The following PPP1CC variants were observed in gnomAD, a reference collection of about 807,000 sequenced individuals.
The protein encoded by PPP1CC is protein phosphatase 1 catalytic subunit gamma.
In PPP1CC, 16 loss-of-function variants were observed where a neutral mutation model predicts 38.4. That is an observed-to-expected ratio of 0.42 (90% CI 0.28 to 0.63). The LOEUF (loss-of-function observed/expected upper bound fraction) is 0.63. Among genes scored for constraint, PPP1CC ranks in the 30% least tolerant of loss-of-function variants. The pLI, the probability that PPP1CC is intolerant of heterozygous loss-of-function variation, is 0.25. For missense variants in PPP1CC, 170 were observed against 391.3 expected, an observed-to-expected ratio of 0.43 and a Z score of 4.77; for synonymous variants, 158 against 136.0, an observed-to-expected ratio of 1.16 and a Z score of -1.13.
chr12:110,737,979 ACT>A (rs1339080833), intron 1 of PPP1CC, among the ~76,000 whole-genome samples: 2 of 152,252 alleles, frequency 1.3e-5, no homozygotes, highest in Admixed American at 1.3e-4. Context: ...GCTGCAAAAC[ACT>A]GTCTACTGTT....
At chr12:110,723,962 G>A (rs2069767146) in intron 4 of PPP1CC, among the ~76,000 whole-genome samples, 1 of 152,238 alleles carries the variant, frequency 6.6e-6, no homozygotes, top group African/African-American at 2.4e-5. Context: ...TCTTCTGCCG[G>A]GCGTGGTGGC....
intron 4 of PPP1CC, among the ~76,000 whole-genome samples, chr12:110,723,581 C>A (rs191471567): frequency 1.3e-5 from 2 of 152,284 alleles, no homozygotes; most frequent in African/African-American, 4.8e-5. Context: ...GCGATCATAG[C>A]TCACTGCAGC....
At chr12:110,711,570 TA>T in the PPP1CC span, among the ~76,000 whole-genome samples, 8 of 152,144 alleles carry the variant, frequency 5.3e-5, no homozygotes, top group Admixed American at 2.0e-4. Flanking sequence ...TTCTACTTCT[TA>T]ACCCAGGCGA....
At chr12:110,737,497 A>AAAAAAAAAG (rs2069959460) in intron 1 of PPP1CC, among the ~76,000 whole-genome samples, 3 of 147,528 alleles carry the variant, frequency 2.0e-5, no homozygotes, top group African/African-American at 7.8e-5. Context: ...AAAAAAAAAA[A>AAAAAAAAAG]AAAAGAAAAG....
chr12:110,729,925 ATTAAG>A (rs1456911806), intron 3 of PPP1CC, among the ~76,000 whole-genome samples: 1 of 152,270 alleles, frequency 6.6e-6, no homozygotes, highest in Non-Finnish European at 1.5e-5. Context: ...TCTACTAAGA[ATTAAG>A]TTATCTGTGA....
the PPP1CC span, among the ~76,000 whole-genome samples, chr12:110,713,577 G>C: frequency 6.6e-6 from 1 of 152,120 alleles, no homozygotes; most frequent in Non-Finnish European, 1.5e-5. Flanking sequence ...ACACAGGCCT[G>C]TATGTAGCAG....
chr12:110,710,209 G>A, the PPP1CC span, among the ~76,000 whole-genome samples: 4,357 of 152,000 alleles, frequency 0.029, 212 homozygotes, highest in African/African-American at 0.098. Flanking sequence ...ATTTCCCAAA[G>A]AGAATAGGAA....
chr12:110,714,095 A>G, the PPP1CC span, among the ~76,000 whole-genome samples: 1 of 151,976 alleles, frequency 6.6e-6, no homozygotes, highest in Non-Finnish European at 1.5e-5. Flanking sequence ...CAAGACTACA[A>G]CTCAAAAACA....
intron 1 of PPP1CC, among the ~76,000 whole-genome samples, chr12:110,740,192 TA>T (rs1174180622): frequency 2.6e-5 from 4 of 152,024 alleles, no homozygotes; most frequent in Non-Finnish European, 2.9e-5. Flanking sequence ...TCTAAACACG[TA>T]AAAAAATCTG....
chr12:110,730,757 C>A lies in PPP1CC; in HGVS notation c.190G>T (p.Asp64Tyr). The A allele has an allele frequency of 1.3e-6, 2 of 1,593,742 alleles. No homozygotes were observed. The highest frequency in any genetic ancestry group is 8.5e-7 in the Non-Finnish European group (1 of 1,170,470). The change falls in exon 3 of 7, where the codon GAC (aspartate) becomes TAC (tyrosine). Residue 64 changes from aspartate to tyrosine, a missense_variant and splice_region_variant. Asp to Tyr is a radical substitution (Grantham distance 160). Transcript: ENST00000335007. ...AAATCATAGTATTGTCCATGGATGT[C>A]ACCTGGAAGCAAGAATTTTGTTACA... ...ELEAPLKICGDIHGQYYDLLR... is the reference protein window; with the variant it reads ...ELEAPLKICGYIHGQYYDLLR...
At chr12:110,729,391 C>T (rs778386383) in intron 3 of PPP1CC, among the ~76,000 whole-genome samples, 22 of 152,228 alleles carry the variant, frequency 1.4e-4, no homozygotes, top group Non-Finnish European at 2.4e-4. Flanking sequence ...GATGAGGTTT[C>T]CTCATGTTGG....
rs2069724176 is a variant in PPP1CC at position 110,720,347 on chromosome 12, G to T, written c.*729C>A. ...CTGTTTTTGAATCCCCAAGAAGGCA[G>T]CATGTGTATACAACCATACCACCTT... is the stretch of plus-strand genomic sequence containing the variant. On this transcript the variant is annotated 3_prime_UTR_variant, in exon 7 of 7. Coordinates refer to ENST00000335007, the MANE Select transcript of PPP1CC (RefSeq NM_002710.4). The T allele has an allele frequency of 5.6e-5, 38 of 673,514 alleles. 1 individual carries two copies. In the South Asian group the frequency reaches 6.5e-4, roughly 11 times the overall value. 41.7% of individuals were successfully genotyped at this position (673,514 alleles called of 1,614,324 possible).
chr12:110,742,836 C>G lies in PPP1CC; in HGVS notation c.-129G>C, dbSNP rs985953726. 66 of 583,502 alleles carry G rather than the reference C, an allele frequency of 1.1e-4. No individual in the cohort carries two copies. The highest frequency in any genetic ancestry group is 3.1e-4 in the Middle Eastern group (1 of 3,188). 36.1% of individuals were successfully genotyped at this position (583,502 alleles called of 1,614,324 possible). A position where few individuals can be genotyped will look rare whatever the true frequency, so the allele number is the denominator to read the frequency against. ...GTGGCAGCAGCCGCGGCGGGTCCCCCCCCTGCCACCCCGCTCCCTACTTCC... is the reference window on the plus strand; with the variant it reads ...GTGGCAGCAGCCGCGGCGGGTCCCCGCCCTGCCACCCCGCTCCCTACTTCC... On this transcript the variant is annotated 5_prime_UTR_variant, in exon 1 of 7. Transcript: ENST00000335007.
At chr12:110,733,367 A>G (rs1214426943) in intron 1 of PPP1CC, among the ~76,000 whole-genome samples, 18 of 152,216 alleles carry the variant, frequency 1.2e-4, no homozygotes. Context: ...TAAGTCTTCT[A>G]GGAGAGTATT....
intron 1 of PPP1CC, among the ~76,000 whole-genome samples, chr12:110,740,927 A>G (rs2070010281): frequency 6.6e-6 from 1 of 152,228 alleles, no homozygotes. Flanking sequence ...ATCCCTGCAG[A>G]GATAAGCAGA....
chr12:110,724,833 A>T (rs1239024588), intron 3 of PPP1CC, 69 bp from the exon 4 acceptor site: 2 of 891,486 alleles, frequency 2.2e-6, no homozygotes, highest in Non-Finnish European at 3.6e-6. Context: ...TTCTCTCAGG[A>T]TTAACTTCCC....
chr12:110,728,241 T>C (rs1173728887), intron 3 of PPP1CC, among the ~76,000 whole-genome samples: 3 of 150,940 alleles, frequency 2.0e-5, no homozygotes, highest in African/African-American at 7.3e-5. Context: ...CTACTAAAAA[T>C]ACAAAAAATT....
In PPP1CC at chr12:110,722,130, T is replaced by G. The variant is rs763313382; in HGVS notation, c.882+5A>C. On this transcript the variant is annotated splice_donor_5th_base_variant and intron_variant, in intron 6 of 6. Transcript: ENST00000335007. This position sits in a 1 kb window ranked among gnomAD's most constrained non-coding sequence, Gnocchi z 5.4. ...AAAGGAAATCATGTTGAAAGCATGCTCTACCTGAAAAGAACACATTAGTGT... is the reference window on the plus strand; with the variant it reads ...AAAGGAAATCATGTTGAAAGCATGCGCTACCTGAAAAGAACACATTAGTGT... 3.7e-6 allele frequency: 6 copies of G among 1,612,214 alleles called. No homozygotes were observed. Among genetic ancestry groups the G allele is most frequent in the Non-Finnish European group, 4.2e-6 (5 of 1,178,498 alleles).
At chr12:110,735,777 C>T (rs1450390101) in intron 1 of PPP1CC, among the ~76,000 whole-genome samples, 4 of 144,322 alleles carry the variant, frequency 2.8e-5, no homozygotes, top group African/African-American at 5.2e-5. Context: ...AAAGAAACTC[C>T]GTCTCGGCCA....
Sources: allele counts gnomAD v4.1 joint callset (sites outside exome capture counted in the v4.1 genomes callset), GRCh38; gene constraint gnomAD v4.1.1; non-coding constraint Gnocchi (gnomAD v3.1); transcripts MANE v1.5; gene names NCBI Gene and HGNC (gene_info 2026-07-23, HGNC 2026-07-21).